Variants in RIN2 observed in about 807,000 individuals in gnomAD.
The protein encoded by RIN2 is Ras and Rab interactor 2.
Under a neutral mutation model 78.0 loss-of-function variants are expected in RIN2, and 36 were observed. The ratio of observed to expected loss-of-function variants is 0.46; its 90% confidence interval spans 0.35 to 0.61. The LOEUF (loss-of-function observed/expected upper bound fraction) is 0.61. RIN2 is among the 20% of genes least tolerant of loss of function. The pLI is 0.00. For missense variants in RIN2, 1,087 were observed against 1,159.7 expected (o/e 0.94, Z 0.91); for synonymous variants, 466 against 466.8 (o/e 1.00, Z 0.02).
rs529447087 is a variant in RIN2 at position 19,965,244 on chromosome 20, T to C, written c.536+220T>C. Among the ~76,000 whole-genome samples the C allele has an allele frequency of 8.0e-4, 122 of 152,272 alleles. 2 individuals are homozygous for C. Among genetic ancestry groups the C allele is most frequent in the Admixed American group, 2.2e-3 (33 of 15,290 alleles). ...ACGACTATCCCAACCCCTCCAAACA[T>C]AAATTATCCTTCATATGATTATTTC... On this transcript the variant is annotated intron_variant, in intron 7 of 12. Coordinates refer to ENST00000255006, the MANE Select transcript of RIN2 (RefSeq NM_018993.4).
At chr20:19,888,426 A>G (rs1343561702) in intron 2 of RIN2, among the ~76,000 whole-genome samples, 1 of 152,164 alleles carries the variant, frequency 6.6e-6, no homozygotes, top group African/African-American at 2.4e-5. Flanking sequence ...ATCGCCCTCA[A>G]TGTCCTGTTT....
At chr20:19,794,085 G>A (rs2034973661) in intron 1 of RIN2, among the ~76,000 whole-genome samples, 1 of 149,722 alleles carries the variant, frequency 6.7e-6, no homozygotes, top group South Asian at 2.2e-4. Flanking sequence ...CTTCCTTTAA[G>A]AGAAGATCAG....
chr20:19,774,417 A>G (rs550284031), intron 1 of RIN2, among the ~76,000 whole-genome samples: 3 of 152,274 alleles, frequency 2.0e-5, no homozygotes, highest in African/African-American at 7.2e-5. Context: ...TAAAAGCAAT[A>G]TTTTTGCAAC....
At chr20:19,907,101 C>T (rs2039251358) in intron 3 of RIN2, among the ~76,000 whole-genome samples, 1 of 152,026 alleles carries the variant, frequency 6.6e-6, no homozygotes, top group Non-Finnish European at 1.5e-5. Context: ...AGTACATGTG[C>T]ATGCAAGGGT....
intron 2 of RIN2, among the ~76,000 whole-genome samples, chr20:19,844,593 GCTTCTTCCTCTT>G (rs1303558208): frequency 3.7e-4 from 24 of 64,124 alleles, no homozygotes; most frequent in African/African-American, 1.1e-3. Flanking sequence ...TGCTGCTGCT[GCTTCTTCCTCTT>G]CTTCTTCTTC....
At chr20:19,759,175 G>A (rs2033522847) in intron 1 of RIN2, among the ~76,000 whole-genome samples, 1 of 152,198 alleles carries the variant, frequency 6.6e-6, no homozygotes, top group African/African-American at 2.4e-5. Context: ...CCTATGATAT[G>A]TTGCCAAGAA....
chr20:19,943,486 C>T (rs1382539858), intron 4 of RIN2, among the ~76,000 whole-genome samples: 1 of 152,252 alleles, frequency 6.6e-6, no homozygotes, highest in Non-Finnish European at 1.5e-5. Flanking sequence ...GTTGGGGCTC[C>T]ACCCTCAAAA....
At chr20:19,937,272 G>C (rs2040683399) in intron 4 of RIN2, among the ~76,000 whole-genome samples, 1 of 152,238 alleles carries the variant, frequency 6.6e-6, no homozygotes, top group African/African-American at 2.4e-5. Context: ...CCAAAGGGGA[G>C]AGGAGGGAAG....
At chr20:19,873,426 A>G (rs1236065817) in intron 2 of RIN2, among the ~76,000 whole-genome samples, 1 of 152,200 alleles carries the variant, frequency 6.6e-6, no homozygotes, top group Non-Finnish European at 1.5e-5. Flanking sequence ...ATGTCCAACC[A>G]TGTAACACAC....
chr20:19,989,568 G>C (rs1414892047), intron 9 of RIN2, among the ~76,000 whole-genome samples: 1 of 152,100 alleles, frequency 6.6e-6, no homozygotes, highest in Non-Finnish European at 1.5e-5. Context: ...GAGCTACCAC[G>C]CCTGGCCCTC....
chr20:19,886,612 C>CTTTTTTTTTTTTTTTTTTTTTTTT, intron 2 of RIN2: 4 of 519,896 alleles, frequency 7.7e-6, no homozygotes, highest in South Asian at 2.3e-5. Context: ...TCTTCTTCTT[C>CTTTTTTTTTTTTTTTTTTTTTTTT]TTTTTTTTTT....
intron 9 of RIN2, among the ~76,000 whole-genome samples, chr20:19,977,157 C>T (rs985921283): frequency 2.0e-5 from 3 of 152,150 alleles, no homozygotes; most frequent in Non-Finnish European, 4.4e-5. Flanking sequence ...GAAACCCAAC[C>T]TGCAGGAGAA....
At chr20:19,817,552 T>C (rs2035801575) in intron 2 of RIN2, among the ~76,000 whole-genome samples, 1 of 152,082 alleles carries the variant, frequency 6.6e-6, no homozygotes, top group African/African-American at 2.4e-5. Context: ...ACCAACACAA[T>C]TAGCTAAAAA....
chr20:19,939,661 C>T (rs950878617), intron 4 of RIN2, among the ~76,000 whole-genome samples: 2 of 152,206 alleles, frequency 1.3e-5, no homozygotes, highest in African/African-American at 4.8e-5. Context: ...GTCCCACTGA[C>T]TTCCTTGCCA....
chr20:19,886,099 C>G (rs896431491), intron 2 of RIN2, among the ~76,000 whole-genome samples: 1 of 152,180 alleles, frequency 6.6e-6, no homozygotes, highest in African/African-American at 2.4e-5. Flanking sequence ...GCCTGTGGCC[C>G]GGCGCAGCAA....
intron 1 of RIN2, among the ~76,000 whole-genome samples, chr20:19,798,012 C>T (rs36111675): frequency 0.04 from 6,127 of 151,876 alleles, 173 homozygotes; most frequent in South Asian, 0.087. Flanking sequence ...CCACCACGCC[C>T]GGCTAATTTT....
intron 3 of RIN2, among the ~76,000 whole-genome samples, chr20:19,919,769 G>A (rs1189239611): frequency 6.6e-6 from 1 of 152,094 alleles, no homozygotes; most frequent in African/African-American, 2.4e-5. Flanking sequence ...TCATGCCACT[G>A]CACTCCAGCC....
At chr20:19,870,484 TA>T (rs1425101331) in intron 2 of RIN2, among the ~76,000 whole-genome samples, 2 of 151,974 alleles carry the variant, frequency 1.3e-5, no homozygotes, top group Non-Finnish European at 2.9e-5. Context: ...CCATCTCTAC[TA>T]AAAATACAAA....
chr20:19,881,362 AG>A (rs765483099), intron 2 of RIN2, among the ~76,000 whole-genome samples: 7 of 152,204 alleles, frequency 4.6e-5, no homozygotes, highest in Non-Finnish European at 1.0e-4. Flanking sequence ...CACTAACTAA[AG>A]GGAAGGGTAA....
Sources: allele counts gnomAD v4.1 joint callset (sites outside exome capture counted in the v4.1 genomes callset), GRCh38; gene constraint gnomAD v4.1.1; transcripts MANE v1.5; gene names NCBI Gene and HGNC (gene_info 2026-07-23, HGNC 2026-07-21).